The following GAS7 variants were observed in gnomAD, a reference collection of about 807,000 sequenced individuals.
GAS7 encodes the protein growth arrest specific 7, also known as growth arrest-specific protein 7.
Under a neutral mutation model 71.1 loss-of-function variants are expected in GAS7, and 28 were observed. That is an observed-to-expected ratio of 0.39 (90% CI 0.29 to 0.54). The LOEUF (loss-of-function observed/expected upper bound fraction) is 0.54. GAS7 is among the 20% of genes least tolerant of loss of function. The probability of loss-of-function intolerance (pLI) is 0.62; values close to 1 mark genes in which losing one functional copy is unlikely to be tolerated. For synonymous variants in GAS7, 258 were observed against 245.8 expected (o/e 1.05, Z -0.46); for missense variants, 436 against 627.8 (o/e 0.69, Z 3.27).
At chr17:10,089,744 G>C (rs960535095) in intron 1 of GAS7, among the ~76,000 whole-genome samples, 1 of 152,188 alleles carries the variant, frequency 6.6e-6, no homozygotes, top group African/African-American at 2.4e-5. Flanking sequence ...TTAGTGTAAA[G>C]AAGTCATTCC....
intron 1 of GAS7, among the ~76,000 whole-genome samples, chr17:10,048,279 T>C (rs1290834384): frequency 6.6e-6 from 1 of 152,242 alleles, no homozygotes; most frequent in Non-Finnish European, 1.5e-5. Flanking sequence ...CCTCGCGCCA[T>C]TGCAGTTGCG....
At chr17:10,132,917 AC>A (rs1465627514) in intron 1 of GAS7, among the ~76,000 whole-genome samples, 2 of 151,686 alleles carry the variant, frequency 1.3e-5, no homozygotes, top group Non-Finnish European at 2.9e-5. Flanking sequence ...TCCGACCTCC[AC>A]CCCAACATCC....
At chr17:10,111,827 G>T (rs1350433827) in intron 1 of GAS7, among the ~76,000 whole-genome samples, 1 of 152,186 alleles carries the variant, frequency 6.6e-6, no homozygotes, top group African/African-American at 2.4e-5. Context: ...ATGGGGCCTG[G>T]ATACCCTGAT....
At chr17:10,036,377 A>T in intron 1 of GAS7, 1 of 1,335,450 alleles carries the variant, frequency 7.5e-7, no homozygotes, top group Non-Finnish European at 1.1e-6. Context: ...TTTTAGAAAC[A>T]TGCAGAGAAA....
chr17:9,986,359 A>G (rs2070648280), intron 2 of GAS7, among the ~76,000 whole-genome samples: 1 of 152,130 alleles, frequency 6.6e-6, no homozygotes, highest in Non-Finnish European at 1.5e-5. Flanking sequence ...GAGGGTCACA[A>G]TTCATGCACT....
At chr17:10,085,934 T>G (rs780330014) in intron 1 of GAS7, among the ~76,000 whole-genome samples, 1 of 152,148 alleles carries the variant, frequency 6.6e-6, no homozygotes, top group Non-Finnish European at 1.5e-5. Context: ...TGAAAAAGCC[T>G]AGCTCTTGTC....
At chr17:10,187,004 A>C (rs1287966720) in intron 1 of GAS7, among the ~76,000 whole-genome samples, 1 of 152,246 alleles carries the variant, frequency 6.6e-6, no homozygotes, top group African/African-American at 2.4e-5. Context: ...GGGTGTCCCC[A>C]TGAGTGGTTA....
At chr17:10,008,012 C>G (rs2071609916) in intron 2 of GAS7, among the ~76,000 whole-genome samples, 1 of 152,134 alleles carries the variant, frequency 6.6e-6, no homozygotes, top group Admixed American at 6.5e-5. Context: ...CTTTGACTTA[C>G]TGTGATGTTT....
intron 1 of GAS7, among the ~76,000 whole-genome samples, chr17:10,170,478 G>A (rs2074328069): frequency 6.6e-6 from 1 of 152,156 alleles, no homozygotes; most frequent in African/African-American, 2.4e-5. Context: ...TTTTCTGGCT[G>A]GAATGCTCTT....
rs986334390 is a variant in GAS7, at chr17:10,103,171, G to A, written c.184-83274C>T. Among the ~76,000 whole-genome samples, 1 of 151,904 alleles carries A rather than the reference G, an allele frequency of 6.6e-6. No individual in the cohort carries two copies. The highest frequency in any genetic ancestry group is 1.5e-5 in the Non-Finnish European group (1 of 67,940). ...AGTTTGAGACCAGCCTGGGCAATAT[G>A]GCAAAACCCCTCCTCTAAAAAAATT... On this transcript the variant is annotated intron_variant, in intron 1 of 13. Transcript: ENST00000432992. This position sits in a 1 kb window ranked among gnomAD's most constrained non-coding sequence, Gnocchi z 5.5.
intron 2 of GAS7, among the ~76,000 whole-genome samples, chr17:10,004,621 G>T (rs1440627411): frequency 6.6e-6 from 1 of 152,190 alleles, no homozygotes; most frequent in Non-Finnish European, 1.5e-5. Flanking sequence ...CGAAACTGGT[G>T]CTTCATACCT....
intron 5 of GAS7, among the ~76,000 whole-genome samples, chr17:9,951,904 C>A (rs1268852909): frequency 6.6e-6 from 1 of 152,004 alleles, no homozygotes; most frequent in Non-Finnish European, 1.5e-5. Flanking sequence ...AGTTGACTTA[C>A]CCTCAGAGTG....
At chr17:10,062,212 C>T (rs1465108825) in intron 1 of GAS7, among the ~76,000 whole-genome samples, 1 of 152,170 alleles carries the variant, frequency 6.6e-6, no homozygotes, top group Non-Finnish European at 1.5e-5. Flanking sequence ...AGGCTGGGCA[C>T]AATGGTTCAT....
chr17:10,032,689 A>G (rs2072651152), intron 1 of GAS7, among the ~76,000 whole-genome samples: 1 of 152,240 alleles, frequency 6.6e-6, no homozygotes, highest in South Asian at 2.1e-4. Context: ...TAAACAAAAG[A>G]GACGACAGAG....
intron 1 of GAS7, among the ~76,000 whole-genome samples, chr17:10,066,082 C>A (rs150039277): frequency 3.3e-5 from 5 of 152,294 alleles, no homozygotes; most frequent in Admixed American, 6.5e-5. Flanking sequence ...TCCATAACCC[C>A]ATTTCCCCAG....
intron 1 of GAS7, among the ~76,000 whole-genome samples, chr17:10,066,176 A>G (rs3865253): frequency 0.57 from 87,279 of 151,986 alleles, 25,709 homozygotes; most frequent in African/African-American, 0.7. Flanking sequence ...CTGAAGAAGC[A>G]CAAGAGAGAC....
chr17:10,009,355 T>C (rs1288501762), intron 2 of GAS7, among the ~76,000 whole-genome samples: 2 of 149,204 alleles, frequency 1.3e-5, no homozygotes, highest in Non-Finnish European at 3.0e-5. Context: ...CTGGAAAACT[T>C]ATCCAGAAAC....
intron 1 of GAS7, among the ~76,000 whole-genome samples, chr17:10,133,122 ATT>A (rs199964206): frequency 3.5e-4 from 42 of 118,922 alleles, no homozygotes; most frequent in South Asian, 8.7e-4. Context: ...ATATTTTTAT[ATT>A]TTTTTTTTTT....
intron 1 of GAS7, among the ~76,000 whole-genome samples, chr17:10,153,037 A>C (rs11872066): frequency 1.4e-3 from 170 of 118,952 alleles, no homozygotes; most frequent in African/African-American, 6.0e-3. Flanking sequence ...CACTAAAAAT[A>C]CAAAAAAAAA....
Sources: allele counts gnomAD v4.1 joint callset (sites outside exome capture counted in the v4.1 genomes callset), GRCh38; gene constraint gnomAD v4.1.1; non-coding constraint Gnocchi (gnomAD v3.1); transcripts MANE v1.5; gene names NCBI Gene and HGNC (gene_info 2026-07-23, HGNC 2026-07-21).